IL18: variants seen among roughly 807,000 people sequenced by gnomAD.
The protein encoded by IL18 is interleukin 18, also known as interleukin-18.
In IL18, 8 loss-of-function variants were observed where a neutral mutation model predicts 14.2. The observed-to-expected ratio is 0.56, with a 90% CI of 0.33 to 1.01. IL18 has a LOEUF of 1.01. IL18 is among the 50% of genes least tolerant of loss of function. IL18 has a pLI of 0.03. For missense variants in IL18, 166 were observed against 231.1 expected (o/e 0.72, Z 1.83); for synonymous variants, 67 against 71.0 (o/e 0.94, Z 0.28).
chr11:112,147,172 C>T (rs1415109672), intron 5 of IL18, among the ~76,000 whole-genome samples: 1 of 151,938 alleles, frequency 6.6e-6, no homozygotes, highest in Admixed American at 6.6e-5. Context: ...TCAGGTGATC[C>T]GCCCCCCTCG....
At chr11:112,159,825 T>C (rs985067473) in intron 1 of IL18, among the ~76,000 whole-genome samples, 3 of 152,110 alleles carry the variant, frequency 2.0e-5, no homozygotes, top group Non-Finnish European at 2.9e-5. Flanking sequence ...AGATGGTAGG[T>C]GGACAAATAT....
At chr11:112,156,463 C>T (rs1400649257) in intron 1 of IL18, among the ~76,000 whole-genome samples, 1 of 151,768 alleles carries the variant, frequency 6.6e-6, no homozygotes, top group Admixed American at 6.6e-5. Context: ...TGGAGTCTCA[C>T]TCTGTCACCC....
intron 2 of IL18, 30 bp downstream of exon 2, chr11:112,154,945 C>A: frequency 7.5e-7 from 1 of 1,333,988 alleles, no homozygotes; most frequent in Non-Finnish European, 1.1e-6. Context: ...TTATCTGAAC[C>A]TGGTATTTGT....
At chr11:112,157,652 T>G (rs1044663425) in intron 1 of IL18, among the ~76,000 whole-genome samples, 1 of 152,136 alleles carries the variant, frequency 6.6e-6, no homozygotes, top group African/African-American at 2.4e-5. Flanking sequence ...TGTGCTACCT[T>G]GAAAGAGAAG....
At chr11:112,163,195 A>G (rs1408820080) in intron 1 of IL18, among the ~76,000 whole-genome samples, 1 of 152,186 alleles carries the variant, frequency 6.6e-6, no homozygotes, top group Admixed American at 6.5e-5. Context: ...GTGAAAGAAA[A>G]TTATCTCGGG....
chr11:112,160,612 A>G (rs1462583976), intron 1 of IL18, among the ~76,000 whole-genome samples: 1 of 152,202 alleles, frequency 6.6e-6, no homozygotes, highest in Non-Finnish European at 1.5e-5. Flanking sequence ...TAAGAACTCA[A>G]TAAATGTTGT....
Position 112,161,970 on chromosome 11 carries a change from G to A in IL18, c.-9+1936C>T, listed in dbSNP as rs949064259. On this transcript the variant is annotated intron_variant, in intron 1 of 5. Transcript: ENST00000280357. Reference sequence around the variant, plus strand: ...ATAATTAATTACCTGAGATCAGGTAGGTAGTCATCTTGACAGCAACAAGAT... The same window carrying A: ...ATAATTAATTACCTGAGATCAGGTAAGTAGTCATCTTGACAGCAACAAGAT... Among the ~76,000 whole-genome samples the A allele has an allele frequency of 7.9e-5, 12 of 152,216 alleles. 1 individual carries two copies. Among genetic ancestry groups the A allele is most frequent in the Non-Finnish European group, 2.9e-5 (2 of 68,048 alleles).
chr11:112,152,435 C>T (rs1321058375), intron 3 of IL18, among the ~76,000 whole-genome samples: 1 of 152,252 alleles, frequency 6.6e-6, no homozygotes, highest in East Asian at 1.9e-4. Context: ...TCACCCCACA[C>T]CATCAATTCT....
At chr11:112,149,992 A>G (rs1203665242) in intron 4 of IL18, 80 bp downstream of exon 4, 19 of 1,230,898 alleles carry the variant, frequency 1.5e-5, no homozygotes, top group Non-Finnish European at 2.1e-5. Context: ...GATTGGGACT[A>G]GCACGGAACA....
chr11:112,153,551 T>C (rs1205896892), intron 3 of IL18, 41 bp downstream of exon 3: 4 of 1,447,338 alleles, frequency 2.8e-6, no homozygotes, highest in Non-Finnish European at 2.9e-6. Flanking sequence ...CTCAAGCAGA[T>C]ACTTAGTTTG....
At chr11:112,157,566 G>A (rs898727591) in intron 1 of IL18, among the ~76,000 whole-genome samples, 5 of 152,160 alleles carry the variant, frequency 3.3e-5, no homozygotes, top group South Asian at 2.1e-4. Flanking sequence ...AATGAATGAC[G>A]TAAGAGCTGA....
intron 1 of IL18, among the ~76,000 whole-genome samples, chr11:112,163,617 A>G (rs1166609279): frequency 6.6e-6 from 1 of 152,234 alleles, no homozygotes; most frequent in Non-Finnish European, 1.5e-5. Context: ...TTAAAAAAGT[A>G]CATAGTTATT....
intron 1 of IL18, among the ~76,000 whole-genome samples, chr11:112,157,683 G>A (rs1866556973): frequency 6.6e-6 from 1 of 152,150 alleles, no homozygotes; most frequent in African/African-American, 2.4e-5. Flanking sequence ...CAAGGCCAGA[G>A]GAAGAGCTTC....
chr11:112,145,929 T>C (rs1475826955), intron 5 of IL18, among the ~76,000 whole-genome samples: 1 of 151,792 alleles, frequency 6.6e-6, no homozygotes, highest in African/African-American at 2.4e-5. Flanking sequence ...GGAAGGTACA[T>C]AGCAAATGGA....
At chr11:112,163,221 C>T (rs1165674862) in intron 1 of IL18, among the ~76,000 whole-genome samples, 1 of 152,028 alleles carries the variant, frequency 6.6e-6, no homozygotes, top group Non-Finnish European at 1.5e-5. Context: ...CTATATTATC[C>T]AATTGTAGCC....
chr11:112,149,449 T>C (rs1477463317), intron 4 of IL18, among the ~76,000 whole-genome samples: 1 of 152,018 alleles, frequency 6.6e-6, no homozygotes, highest in Non-Finnish European at 1.5e-5. Context: ...AAGGTAAGTA[T>C]TCAGTATTTT....
intron 1 of IL18, among the ~76,000 whole-genome samples, chr11:112,159,337 A>ACACCAC (rs907937493): frequency 1.3e-5 from 2 of 152,106 alleles, no homozygotes; most frequent in Admixed American, 1.3e-4. Flanking sequence ...AACTCTGTCA[A>ACACCAC]CACCACCACC....
chr11:112,148,532 AAAT>A (rs1866379888), intron 5 of IL18, 68 bp downstream of exon 5: 1 of 805,442 alleles, frequency 1.2e-6, no homozygotes, highest in African/African-American at 1.8e-5. Flanking sequence ...TTAACATTAG[AAAT>A]AATGTTATAT....
chr11:112,162,007 T>A lies in IL18; in HGVS notation c.-9+1899A>T, dbSNP rs1185255112. Among the ~76,000 whole-genome samples, 19 of 152,348 alleles carry A rather than the reference T, an allele frequency of 1.2e-4. No homozygotes were observed. The East Asian group carries it at 3.7e-3, about 29-fold the overall frequency. ...GACAGCAACAAGATCAAAACCTAAC[T>A]TTTCAGTTCTATAAATCATTTTATC... On this transcript the variant is annotated intron_variant, in intron 1 of 5. Coordinates refer to ENST00000280357, the MANE Select transcript of IL18 (RefSeq NM_001562.4).
Sources: gnomAD v4.1 joint callset for allele counts (sites outside exome capture counted in the v4.1 genomes callset) on GRCh38, gnomAD v4.1.1 for gene constraint, MANE v1.5 for transcripts, NCBI Gene and HGNC (gene_info 2026-07-23, HGNC 2026-07-21) for gene names.